Variants in CLEC19A observed in about 807,000 individuals in gnomAD.
CLEC19A encodes C-type lectin domain containing 19A.
Under a neutral mutation model 26.1 loss-of-function variants are expected in CLEC19A, and 21 were observed. The ratio of observed to expected loss-of-function variants is 0.80; its 90% CI spans 0.57 to 1.16. The LOEUF (loss-of-function observed/expected upper bound fraction) is 1.16, where lower values mean the gene tolerates loss of function less well. Among genes scored for constraint, CLEC19A ranks in the 50% most tolerant of loss-of-function variants. CLEC19A has a pLI of 0.00. For missense variants in CLEC19A, 224 were observed against 227.6 expected, an observed-to-expected ratio of 0.98 and a Z score of 0.10; for synonymous variants, 89 against 88.6, an observed-to-expected ratio of 1.00 and a Z score of -0.03.
intron 2 of CLEC19A, chr16:19,303,831 G>A (rs927423734): frequency 1.5e-5 from 6 of 407,852 alleles, no homozygotes; most frequent in Non-Finnish European, 2.7e-5. Context: ...AAATTTTTAG[G>A]GATGAGTAGC....
intron 1 of CLEC19A, among the ~76,000 whole-genome samples, chr16:19,291,321 A>G (rs1385867199): frequency 6.6e-6 from 1 of 152,212 alleles, no homozygotes; most frequent in East Asian, 1.9e-4. Flanking sequence ...CAGACCATCA[A>G]GATTGGAGCA....
intron 1 of CLEC19A, among the ~76,000 whole-genome samples, chr16:19,290,138 T>TG (rs1051891056): frequency 4.0e-4 from 59 of 148,730 alleles, no homozygotes; most frequent in Non-Finnish European, 1.2e-4. Context: ...AGAGTGGGGG[T>TG]GGGGGGGAGC....
chr16:19,293,349 T>C (rs1375726947), intron 1 of CLEC19A, among the ~76,000 whole-genome samples: 1 of 152,230 alleles, frequency 6.6e-6, no homozygotes, highest in African/African-American at 2.4e-5. Flanking sequence ...GTAATCATGT[T>C]GTAGCCATGT....
chr16:19,307,824 A>G (rs1377925534), intron 4 of CLEC19A, 147 bp downstream of exon 4: 1 of 1,051,456 alleles, frequency 9.5e-7, no homozygotes, highest in East Asian at 2.6e-5. Context: ...GGTGGAGGTC[A>G]CTAGGGTGTC....
At chr16:19,286,959 A>T (rs1056572145) in intron 1 of CLEC19A, among the ~76,000 whole-genome samples, 2 of 152,012 alleles carry the variant, frequency 1.3e-5, no homozygotes, top group East Asian at 3.9e-4. Context: ...ATTACATGGG[A>T]CGTATTTATA....
intron 3 of CLEC19A, among the ~76,000 whole-genome samples, chr16:19,306,177 G>T (rs1253257726): frequency 3.2e-4 from 46 of 144,888 alleles, no homozygotes; most frequent in African/African-American, 1.2e-3. Context: ...ACAGGGTCTT[G>T]CTCTGTTGCT....
At chr16:19,297,037 G>A (rs1897719664) in intron 1 of CLEC19A, among the ~76,000 whole-genome samples, 3 of 152,160 alleles carry the variant, frequency 2.0e-5, no homozygotes, top group African/African-American at 4.8e-5. Context: ...GTATGAGAAA[G>A]GTTCTCAGCC....
Position 19,309,679 on chromosome 16 carries a change from G to A in CLEC19A, c.*596G>A, listed in dbSNP as rs1376980572. On this transcript the variant is annotated 3_prime_UTR_variant, in exon 5 of 5. Transcript: ENST00000636231. ...CTCACTCTGTTGCCCAGGCTGAAGTGCAATGATGCAATCACAGCTCACTGC... is the reference window on the plus strand; with the variant it reads ...CTCACTCTGTTGCCCAGGCTGAAGTACAATGATGCAATCACAGCTCACTGC... The A allele has an allele frequency of 6.6e-6, 1 of 152,294 alleles. No homozygotes were observed. The highest frequency in any genetic ancestry group is 1.5e-5 in the Non-Finnish European group (1 of 68,236). 9.4% of individuals were successfully genotyped at this position (152,294 alleles called of 1,614,324 possible). A position where few individuals can be genotyped will look rare whatever the true frequency, so the allele number is the denominator to read the frequency against.
At chr16:19,286,014 T>G in intron 1 of CLEC19A, 75 bp downstream of exon 1, 3 of 1,417,252 alleles carry the variant, frequency 2.1e-6, no homozygotes, top group Non-Finnish European at 9.7e-7. Context: ...CGGTGAGGCC[T>G]GGCAGCTTCT....
chr16:19,293,693 C>T (rs1473985210), intron 1 of CLEC19A, among the ~76,000 whole-genome samples: 4 of 152,052 alleles, frequency 2.6e-5, no homozygotes, highest in African/African-American at 4.8e-5. Flanking sequence ...TGGGCTCAAG[C>T]GATTTTCCCA....
At chr16:19,308,099 G>C (rs1897995046) in intron 4 of CLEC19A, among the ~76,000 whole-genome samples, 1 of 152,206 alleles carries the variant, frequency 6.6e-6, no homozygotes, top group Non-Finnish European at 1.5e-5. Flanking sequence ...GAAGAGTATA[G>C]ACTTGAATTC....
intron 1 of CLEC19A, among the ~76,000 whole-genome samples, chr16:19,292,395 C>T (rs1319142979): frequency 6.6e-6 from 1 of 152,186 alleles, no homozygotes; most frequent in Admixed American, 6.5e-5. Flanking sequence ...GCAACCTCTG[C>T]TTTCAGGACT....
chr16:19,292,760 G>A (rs781580396), intron 1 of CLEC19A, among the ~76,000 whole-genome samples: 8 of 152,346 alleles, frequency 5.3e-5, no homozygotes, highest in Middle Eastern at 3.4e-3. Context: ...CTGAAGTCAG[G>A]TCAAGGGAAT....
chr16:19,286,112 C>G (rs1451767294), intron 1 of CLEC19A, among the ~76,000 whole-genome samples, 173 bp downstream of exon 1: 2 of 152,180 alleles, frequency 1.3e-5, no homozygotes, highest in Non-Finnish European at 2.9e-5. Context: ...GGCCCAGACA[C>G]AAAAAGTCCT....
intron 2 of CLEC19A, among the ~76,000 whole-genome samples, chr16:19,299,553 C>G (rs933077846): frequency 6.6e-6 from 1 of 152,194 alleles, no homozygotes; most frequent in South Asian, 2.1e-4. Flanking sequence ...CAATTTGGTC[C>G]AGCTCTTTTA....
intron 1 of CLEC19A, among the ~76,000 whole-genome samples, chr16:19,286,384 C>G (rs910103794): frequency 4.6e-5 from 7 of 152,186 alleles, no homozygotes; most frequent in Non-Finnish European, 8.8e-5. Context: ...TCCCAGGGAG[C>G]TTTCAGAGCT....
intron 1 of CLEC19A, among the ~76,000 whole-genome samples, chr16:19,297,800 A>C (rs901182381): frequency 1.3e-5 from 2 of 152,174 alleles, no homozygotes; most frequent in African/African-American, 4.8e-5. Context: ...ATGAGAAAAA[A>C]ATGTATCAAA....
chr16:19,307,719 G>T (rs1436990749), intron 4 of CLEC19A, 42 bp downstream of exon 4: 1 of 1,545,312 alleles, frequency 6.5e-7, no homozygotes, highest in African/African-American at 1.4e-5. Flanking sequence ...GGGAGCCCAG[G>T]AGGTGTCACA....
intron 2 of CLEC19A, among the ~76,000 whole-genome samples, chr16:19,300,584 T>G (rs146777722): frequency 1.3e-5 from 2 of 152,096 alleles, no homozygotes; most frequent in East Asian, 3.9e-4. Flanking sequence ...GTATTTTATC[T>G]TAGTTTCCAA....
Sources: allele counts gnomAD v4.1 joint callset (sites outside exome capture counted in the v4.1 genomes callset), GRCh38; gene constraint gnomAD v4.1.1; transcripts MANE v1.5; gene names NCBI Gene and HGNC (gene_info 2026-07-23, HGNC 2026-07-21).